KBTBD3: variants seen among roughly 807,000 people sequenced by gnomAD.
KBTBD3 encodes the protein kelch repeat and BTB domain containing 3.
In KBTBD3, 38 loss-of-function variants were observed where a neutral mutation model predicts 49.6. That is an observed-to-expected ratio of 0.77 (90% CI 0.59 to 1.00). The LOEUF is 1.00. Ranked by LOEUF, KBTBD3 falls within the 50% of genes least tolerant of loss-of-function variation. The pLI is 0.00. For missense variants in KBTBD3, 661 were observed against 712.0 expected, an observed-to-expected ratio of 0.93 and a Z score of 0.81; for synonymous variants, 214 against 250.4, an observed-to-expected ratio of 0.85 and a Z score of 1.37.
chr11:106,068,619 G>C (rs113361473), intron 2 of KBTBD3, among the ~76,000 whole-genome samples: 1 of 152,020 alleles, frequency 6.6e-6, no homozygotes, highest in Non-Finnish European at 1.5e-5. Flanking sequence ...GTTTAAAGAA[G>C]AATTAATACC....
chr11:106,057,255 T>A (rs996734508), intron 3 of KBTBD3, among the ~76,000 whole-genome samples: 4 of 152,124 alleles, frequency 2.6e-5, no homozygotes, highest in African/African-American at 9.7e-5. Flanking sequence ...TAAAAAAAAA[T>A]TAAGGGTTAA....
chr11:106,060,559 T>C (rs1193943690), intron 2 of KBTBD3, among the ~76,000 whole-genome samples: 2 of 152,110 alleles, frequency 1.3e-5, no homozygotes, highest in African/African-American at 4.8e-5. Flanking sequence ...CCCTATATAA[T>C]AAATGGCCCT....
intron 2 of KBTBD3, among the ~76,000 whole-genome samples, chr11:106,061,064 T>C (rs1417244097): frequency 6.6e-6 from 1 of 152,174 alleles, no homozygotes; most frequent in Admixed American, 6.5e-5. Flanking sequence ...GAAAAAAATC[T>C]CATCCTCACT....
At chr11:106,054,594 T>C (rs933129972) in intron 3 of KBTBD3, 139 bp from the exon 4 acceptor site, 4 of 424,300 alleles carry the variant, frequency 9.4e-6, no homozygotes, top group Non-Finnish European at 1.5e-5. Flanking sequence ...CTAATTAATA[T>C]CTAGAATAAT....
chr11:106,051,474 A>G lies in KBTBD3; in HGVS notation c.*1376T>C, dbSNP rs1860417737. On this transcript the variant is annotated 3_prime_UTR_variant, in exon 4 of 4. Transcript: ENST00000531837. ...AATAAGAGAATCTTCATTTAGGTGT[A>G]TTTCTACTTAGGAACACACTTTTAA... 6.6e-6 allele frequency: 1 copy of G among 151,980 alleles called. No homozygotes were observed. Among genetic ancestry groups the G allele is most frequent in the Non-Finnish European group, 1.5e-5 (1 of 67,884 alleles). The allele number at this position is 151,980 out of a possible 1,614,324, so 9.4% of individuals were successfully genotyped here.
intron 2 of KBTBD3, among the ~76,000 whole-genome samples, chr11:106,072,684 G>A (rs1368922590): frequency 6.6e-6 from 1 of 152,124 alleles, no homozygotes; most frequent in African/African-American, 2.4e-5. Context: ...AAAGCAGAAC[G>A]TTAAACTAAA....
At chr11:106,061,955 A>G (rs777598417) in intron 2 of KBTBD3, among the ~76,000 whole-genome samples, 3 of 151,884 alleles carry the variant, frequency 2.0e-5, no homozygotes, top group Non-Finnish European at 4.4e-5. Flanking sequence ...TATTATACAA[A>G]GCAAATATAA....
In KBTBD3 at chr11:106,059,009, A is replaced by C. The variant is rs1860623307; in HGVS notation, c.89T>G (p.Val30Gly). ...IPSEKKNNFL[V>G]SEDHGQKILS... is the part of the protein sequence containing the mutation. ...GATTTTTTGTCCATGATCTTCTGAT[A>C]CAAGGAAGTTGTTTTTCTTCTCAGA... Residue 30 changes from valine (V) to glycine (G), a missense_variant, in exon 3 of 4, where the codon GTA becomes GGA. Coordinates refer to ENST00000531837, the MANE Select transcript of KBTBD3 (RefSeq NM_198439.3). 1 of 1,560,438 alleles carries C rather than the reference A, an allele frequency of 6.4e-7. No homozygotes were observed. Among genetic ancestry groups the C allele is most frequent in the East Asian group, 2.3e-5 (1 of 43,040 alleles).
At chr11:106,054,533 T>C in intron 3 of KBTBD3, 78 bp from the exon 4 acceptor site, 2 of 1,099,862 alleles carry the variant, frequency 1.8e-6, no homozygotes, top group Non-Finnish European at 1.2e-6. Flanking sequence ...TTAAAGAGGT[T>C]TCCTTACTCT....
intron 3 of KBTBD3, among the ~76,000 whole-genome samples, chr11:106,058,559 G>C (rs555780440): frequency 2.0e-5 from 3 of 151,916 alleles, no homozygotes; most frequent in South Asian, 2.1e-4. Flanking sequence ...GTATAGCTGG[G>C]ATTACAGGCG....
At chr11:106,071,521 C>T (rs1341135309) in intron 2 of KBTBD3, among the ~76,000 whole-genome samples, 2 of 151,994 alleles carry the variant, frequency 1.3e-5, no homozygotes, top group Non-Finnish European at 2.9e-5. Context: ...TTGAAAATTT[C>T]AACTATCCTA....
chr11:106,056,852 G>T (rs1440106377), intron 3 of KBTBD3, among the ~76,000 whole-genome samples: 1 of 152,130 alleles, frequency 6.6e-6, no homozygotes, highest in East Asian at 1.9e-4. Context: ...GGACCTGAAG[G>T]ATATGGGGGC....
chr11:106,053,708 T>A lies in KBTBD3; in HGVS notation c.981A>T (p.Ser327=). The change falls in exon 4 of 4, where the codon TCA becomes TCT. Residue 327 remains serine, a synonymous_variant. Transcript: ENST00000531837. Reference sequence around the variant, plus strand: ...TAGATCCTGGCAAATCAATCAGGTGTGATTGCGGCAGTATTTTCCATGAAT... The same window carrying A: ...TAGATCCTGGCAAATCAATCAGGTGAGATTGCGGCAGTATTTTCCATGAAT... ...KSDSWKILPQ[S]HLIDLPGSSL... is the part of the protein sequence containing the mutation. 1 of 1,613,666 alleles carries A rather than the reference T, an allele frequency of 6.2e-7. No individual in the cohort carries two copies. The highest frequency in any genetic ancestry group is 8.5e-7 in the Non-Finnish European group (1 of 1,179,886).
rs1216283962 is a variant in KBTBD3 at position 106,051,475 on chromosome 11, T to C, written c.*1375A>G. The C allele has an allele frequency of 8.6e-5, 13 of 151,968 alleles. No individual in the cohort carries two copies. 9.4% of individuals were successfully genotyped at this position (151,968 alleles called of 1,614,324 possible). On this transcript the variant is annotated 3_prime_UTR_variant, in exon 4 of 4. Coordinates refer to ENST00000531837, the MANE Select transcript of KBTBD3 (RefSeq NM_198439.3). ...ATAAGAGAATCTTCATTTAGGTGTA[T>C]TTCTACTTAGGAACACACTTTTAAA...
intron 2 of KBTBD3, among the ~76,000 whole-genome samples, chr11:106,064,649 T>G (rs1403526464): frequency 6.6e-6 from 1 of 152,176 alleles, no homozygotes; most frequent in Non-Finnish European, 1.5e-5. Context: ...CAGTCTATAC[T>G]AGTTTGACAG....
At chr11:106,057,839 AC>A in intron 3 of KBTBD3, 1 of 374,778 alleles carries the variant, frequency 2.7e-6, no homozygotes, top group Non-Finnish European at 4.7e-6. Flanking sequence ...ATACATGAAT[AC>A]AACACAGGAC....
At chr11:106,062,970 T>G (rs879854678) in intron 2 of KBTBD3, among the ~76,000 whole-genome samples, 8 of 152,264 alleles carry the variant, frequency 5.3e-5, no homozygotes, top group Admixed American at 2.6e-4. Context: ...TTTAAAATTA[T>G]GCATGTTTTC....
chr11:106,074,161 C>A (rs1860984738), intron 2 of KBTBD3, among the ~76,000 whole-genome samples: 1 of 148,726 alleles, frequency 6.7e-6, no homozygotes, highest in South Asian at 2.2e-4. Context: ...AAGAGCTTCT[C>A]CCACCCTACT....
At chr11:106,074,563 C>T (rs927585427) in intron 2 of KBTBD3, among the ~76,000 whole-genome samples, 1 of 152,190 alleles carries the variant, frequency 6.6e-6, no homozygotes, top group African/African-American at 2.4e-5. Flanking sequence ...GCTGGCCTCT[C>T]CTTCTCAGTC....
Sources: gnomAD v4.1 joint callset for allele counts (sites outside exome capture counted in the v4.1 genomes callset) on GRCh38, gnomAD v4.1.1 for gene constraint, MANE v1.5 for transcripts, NCBI Gene and HGNC (gene_info 2026-07-23, HGNC 2026-07-21) for gene names.